Variants in PDE4D observed in about 807,000 individuals in gnomAD.
PDE4D encodes the protein phosphodiesterase 4D.
In PDE4D, 24 loss-of-function variants were observed where a neutral mutation model predicts 87.4. That is an observed-to-expected ratio of 0.27 (90% CI 0.20 to 0.39). The LOEUF is 0.39. PDE4D is among the 10% of genes least tolerant of loss of function. The pLI, the probability that PDE4D is intolerant of heterozygous loss-of-function variation, is 1.00. For missense variants in PDE4D, 714 were observed against 1,041.0 expected, an observed-to-expected ratio of 0.69 and a Z score of 4.32; for synonymous variants, 384 against 383.2, an observed-to-expected ratio of 1.00 and a Z score of -0.02.
chr5:60,183,826 C>A (rs999183923), intron 2 of PDE4D, among the ~76,000 whole-genome samples: 38 of 152,222 alleles, frequency 2.5e-4, no homozygotes, highest in South Asian at 8.3e-4. Context: ...CAGACCAGAG[C>A]AAAATAAAAT....
intron 2 of PDE4D, among the ~76,000 whole-genome samples, chr5:60,064,470 A>G (rs1771829224): frequency 1.3e-5 from 2 of 152,094 alleles, no homozygotes; most frequent in Non-Finnish European, 2.9e-5. Flanking sequence ...GCTGTTTTCA[A>G]TTAGAAAAAA....
chr5:59,521,742 C>G (rs1202060535), intron 1 of PDE4D, among the ~76,000 whole-genome samples: 2 of 152,184 alleles, frequency 1.3e-5, no homozygotes, highest in Non-Finnish European at 2.9e-5. Flanking sequence ...CAACCCATCT[C>G]TACAGTTAAG....
intron 6 of PDE4D, among the ~76,000 whole-genome samples, chr5:59,035,054 C>G (rs1239858914): frequency 6.6e-6 from 1 of 152,226 alleles, no homozygotes; most frequent in Admixed American, 6.5e-5. Context: ...CCCTGAGGCC[C>G]AGGCCGCTGT....
chr5:60,289,081 T>C (rs1206340940), intron 1 of PDE4D, among the ~76,000 whole-genome samples: 1 of 152,162 alleles, frequency 6.6e-6, no homozygotes, highest in African/African-American at 2.4e-5. Flanking sequence ...ACACCGTCAC[T>C]ACGTTTTTGC....
chr5:59,192,296 T>A (rs1263628354), intron 3 of PDE4D, among the ~76,000 whole-genome samples: 1 of 152,136 alleles, frequency 6.6e-6, no homozygotes, highest in Non-Finnish European at 1.5e-5. Flanking sequence ...ATCACAAAGT[T>A]TTTATAATAT....
intron 2 of PDE4D, among the ~76,000 whole-genome samples, chr5:60,067,520 A>AT (rs1772235148): frequency 6.6e-6 from 1 of 152,138 alleles, no homozygotes; most frequent in South Asian, 2.1e-4. Flanking sequence ...AGAAAGGAAA[A>AT]TTATAATACC....
chr5:60,232,255 C>T (rs1328832300), intron 1 of PDE4D, among the ~76,000 whole-genome samples: 1 of 151,862 alleles, frequency 6.6e-6, no homozygotes, highest in African/African-American at 2.4e-5. Context: ...AAAACAGCAG[C>T]AGATATTAAG....
Position 58,976,134 on chromosome 5 carries a change from T to C in PDE4D, c.1830+216A>G, listed in dbSNP as rs1490133686. Among the ~76,000 whole-genome samples, 4 of 152,312 alleles carry C rather than the reference T, an allele frequency of 2.6e-5. 1 individual carries two copies. The highest frequency in any genetic ancestry group is 3.9e-4 in the East Asian group (2 of 5,174). On this transcript the variant is annotated intron_variant, in intron 13 of 14. Transcript: ENST00000340635. ...CTGGTTCTGTGGGGTGTTTGTTTGTTAGTTTTTTTAATTAATGTAGATGCA... is the reference window on the plus strand; with the variant it reads ...CTGGTTCTGTGGGGTGTTTGTTTGTCAGTTTTTTTAATTAATGTAGATGCA...
intron 1 of PDE4D, among the ~76,000 whole-genome samples, chr5:59,265,253 G>A (rs777534453): frequency 2.6e-5 from 4 of 151,972 alleles, no homozygotes; most frequent in Non-Finnish European, 5.9e-5. Flanking sequence ...TGCTTCCTTA[G>A]AGGGTTCTCA....
chr5:59,649,909 T>G (rs1377716562), intron 1 of PDE4D, among the ~76,000 whole-genome samples: 9 of 106,386 alleles, frequency 8.5e-5, no homozygotes, highest in African/African-American at 3.6e-4. Flanking sequence ...GTGAACCTTT[T>G]TTTTTTTTTT....
At chr5:60,237,782 A>G (rs1746593861) in intron 1 of PDE4D, among the ~76,000 whole-genome samples, 1 of 152,076 alleles carries the variant, frequency 6.6e-6, no homozygotes, top group South Asian at 2.1e-4. Context: ...CAAATTCATG[A>G]CTATAATAAC....
At chr5:59,405,780 A>G (rs1791500473) in intron 1 of PDE4D, among the ~76,000 whole-genome samples, 2 of 152,196 alleles carry the variant, frequency 1.3e-5, no homozygotes, top group African/African-American at 2.4e-5. Flanking sequence ...TTCCCAGCAT[A>G]AATTGAAATG....
At chr5:59,988,693 T>A (rs1371859895) in exon 3 of PDE4D, 1 of 1,595,924 alleles carries the variant, frequency 6.3e-7, no homozygotes, top group Non-Finnish European at 8.5e-7. Context: ...TCTTCATTAC[T>A]GGAATGTAGT....
chr5:59,656,703 G>A (rs1179965039), intron 1 of PDE4D, among the ~76,000 whole-genome samples: 1 of 152,056 alleles, frequency 6.6e-6, no homozygotes, highest in Non-Finnish European at 1.5e-5. Flanking sequence ...TATTTATTAT[G>A]GTAATAATAC....
intron 9 of PDE4D, among the ~76,000 whole-genome samples, chr5:58,990,185 A>G (rs1245905489): frequency 6.6e-6 from 1 of 152,188 alleles, no homozygotes; most frequent in Admixed American, 6.5e-5. Context: ...TGCCAACTCT[A>G]AAAGTTTCTA....
chr5:59,473,162 A>G (rs1419259374), intron 1 of PDE4D, among the ~76,000 whole-genome samples: 2 of 151,902 alleles, frequency 1.3e-5, no homozygotes, highest in African/African-American at 4.8e-5. Context: ...ATACATACTG[A>G]AAAAAGACTG....
intron 1 of PDE4D, among the ~76,000 whole-genome samples, chr5:59,338,551 C>T (rs774535868): frequency 2.6e-5 from 4 of 152,124 alleles, no homozygotes; most frequent in African/African-American, 7.2e-5. Context: ...AAAGACTGCA[C>T]GTCATTAGCT....
chr5:60,180,297 A>C (rs1562190077), intron 2 of PDE4D, among the ~76,000 whole-genome samples: 1 of 152,158 alleles, frequency 6.6e-6, no homozygotes, highest in African/African-American at 2.4e-5. Flanking sequence ...ATTGTTGATT[A>C]TCTGAGAAAA....
chr5:60,433,083 A>G (rs1460885926), intron 1 of PDE4D, among the ~76,000 whole-genome samples: 1 of 152,228 alleles, frequency 6.6e-6, no homozygotes, highest in Non-Finnish European at 1.5e-5. Flanking sequence ...GACAAGTGGG[A>G]CCTAATTAAA....
Sources: gnomAD v4.1 joint callset for allele counts (sites outside exome capture counted in the v4.1 genomes callset) on GRCh38, gnomAD v4.1.1 for gene constraint, MANE v1.5 for transcripts, NCBI Gene and HGNC (gene_info 2026-07-23, HGNC 2026-07-21) for gene names.